The following MAN2C1 variants were observed in gnomAD, a reference collection of about 807,000 sequenced individuals.
MAN2C1 encodes mannosidase alpha class 2C member 1.
In MAN2C1, 111 loss-of-function variants were observed where a neutral mutation model predicts 126.9. The ratio of observed to expected loss-of-function variants is 0.87; its 90% CI spans 0.75 to 1.02. The LOEUF (loss-of-function observed/expected upper bound fraction) is 1.02. Among genes scored for constraint, MAN2C1 ranks in the 50% least tolerant of loss-of-function variants. The probability of loss-of-function intolerance (pLI) is 0.00; values close to 1 mark genes in which losing one functional copy is unlikely to be tolerated. For missense variants in MAN2C1, 1,363 were observed against 1,364.4 expected (o/e 1.00, Z 0.02); for synonymous variants, 567 against 561.5 (o/e 1.01, Z -0.14).
intron 21 of MAN2C1, chr15:75,357,366 C>T: frequency 6.6e-6 from 1 of 151,250 alleles, no homozygotes; most frequent in South Asian, 1.7e-4. Flanking sequence ...AGTGCAGTGG[C>T]ACAATCTCAG....
chr15:75,362,851 T>C lies in MAN2C1; in HGVS notation c.791-103A>G, dbSNP rs572240217. 1.0e-6 allele frequency: 1 copy of C among 953,030 alleles called. No individual in the cohort carries two copies. Among genetic ancestry groups the C allele is most frequent in the Admixed American group, 2.0e-5 (1 of 49,196 alleles). 59.0% of individuals were successfully genotyped at this position (953,030 alleles called of 1,614,324 possible). On this transcript the variant is annotated intron_variant, in intron 6 of 25. Coordinates refer to ENST00000267978, the MANE Select transcript of MAN2C1 (RefSeq NM_006715.4). This position sits in a 1 kb window ranked among gnomAD's most constrained non-coding sequence, Gnocchi z 4.5. ...TAGCCCCCCTCCCATCCCAGGCCCT[T>C]CACCCTGGAAAGCCCTGTGGTGTCC...
chr15:75,364,466 G>A (rs1306507757), intron 5 of MAN2C1, 22 bp downstream of exon 5: 1 of 1,553,452 alleles, frequency 6.4e-7, no homozygotes, highest in East Asian at 2.4e-5. Context: ...GGGTAGCAGG[G>A]GGTACAGGGG....
Position 75,360,910 on chromosome 15 carries a change from G to A in MAN2C1, c.1460+136C>T, listed in dbSNP as rs1003875067. The A allele has an allele frequency of 2.3e-6, 3 of 1,289,590 alleles. No homozygotes were observed. The African/African-American group carries it at 4.5e-5, about 19-fold the overall frequency. The allele number at this position is 1,289,590 out of a possible 1,614,324, so 79.9% of individuals were successfully genotyped here. On this transcript the variant is annotated intron_variant, in intron 12 of 25. Transcript: ENST00000267978. ...TCCCCCACCCACCCCCAGGGTGGAAGTTTGGAGGAACCCGTGGTCTAGGAT... is the reference window on the plus strand; with the variant it reads ...TCCCCCACCCACCCCCAGGGTGGAAATTTGGAGGAACCCGTGGTCTAGGAT...
Position 75,356,179 on chromosome 15 carries a change from A to G in MAN2C1, c.2927T>C (p.Leu976Pro). Residue 976 changes from leucine (L) to proline (P), a missense_variant, in exon 25 of 26, where the codon CTG becomes CCG. Leu to Pro is a moderately conservative substitution (Grantham distance 98). This residue lies in a region of MAN2C1 where 668 missense variants were observed against 650.1 expected (regional missense o/e 1.03). Transcript: ENST00000267978. This position sits in a 1 kb window ranked among gnomAD's most constrained non-coding sequence, Gnocchi z 5.8. ...SPQRRSLVLR[L>P]YEAHGSHVDC... ...CACGTGGCTGCCGTGGGCCTCATAC[A>G]GCCTCAGGACCAGCGAGCGGCGCTG... 2 of 1,613,620 alleles carry G rather than the reference A, an allele frequency of 1.2e-6. No individual in the cohort carries two copies. Among genetic ancestry groups the G allele is most frequent in the Non-Finnish European group, 1.7e-6 (2 of 1,179,986 alleles).
At chr15:75,367,835 C>T (rs771350510) in intron 2 of MAN2C1, 1 of 852,092 alleles carries the variant, frequency 1.2e-6, no homozygotes, top group Non-Finnish European at 1.8e-6. Context: ...GTTCGTGATC[C>T]CTAGGGTGCC....
chr15:75,358,909 G>T, intron 18 of MAN2C1, 101 bp from the exon 19 acceptor site: 1 of 1,372,446 alleles, frequency 7.3e-7, no homozygotes, highest in South Asian at 1.2e-5. Context: ...GTGGACAGGG[G>T]ACTACTGCCC....
chr15:75,356,592 T>TC lies in MAN2C1; in HGVS notation c.2737+13dup, dbSNP rs764286264. ...CTAGGGCTGCAGGAAGGCCCCACCG[T>TC]CCCCAGCACTCACCCTTGTGCGGCA... On this transcript the variant is annotated intron_variant, in intron 23 of 25. Transcript: ENST00000267978. This position sits in a 1 kb window ranked among gnomAD's most constrained non-coding sequence, Gnocchi z 5.8. 33 of 1,554,588 alleles carry TC rather than the reference T, an allele frequency of 2.1e-5. No individual in the cohort carries two copies. The African/African-American group carries it at 4.4e-4, about 21-fold the overall frequency.
rs751966005 is a variant in MAN2C1, at chr15:75,359,987, GC to G, written c.1707del (p.Arg569SerfsTer5). On this transcript the variant is annotated frameshift_variant and splice_region_variant, in exon 15 of 26. Coordinates refer to ENST00000267978, the MANE Select transcript of MAN2C1 (RefSeq NM_006715.4). LOFTEE classifies it high-confidence loss of function. Reference protein sequence around the residue: ...YPAAQLQHLWRLLLLNQFHDV... With the variant: ...YPAAQLQHLWXLLLLNQFHDV... Reference sequence around the variant, plus strand: ...TCATGGAACTGGTTCAGAAGAAGGAGCCTGCAGGGGCCAAGGGCAGGGATGG... The same window carrying G: ...TCATGGAACTGGTTCAGAAGAAGGAGCTGCAGGGGCCAAGGGCAGGGATGG... 6.2e-7 allele frequency: 1 copy of G among 1,614,102 alleles called. No individual in the cohort carries two copies. The highest frequency in any genetic ancestry group is 2.2e-5 in the East Asian group (1 of 44,890).
In MAN2C1 at chr15:75,362,712, C is replaced by T. The variant is rs1324182510; in HGVS notation, c.827G>A (p.Cys276Tyr). The T allele has an allele frequency of 6.2e-7, 1 of 1,614,150 alleles. No homozygotes were observed. The highest frequency in any genetic ancestry group is 1.1e-5 in the South Asian group (1 of 91,088). Residue 276 changes from cysteine (C) to tyrosine (Y), a missense_variant, in exon 7 of 26, where the codon TGT (cysteine) becomes TAT (tyrosine). Cys to Tyr is a radical substitution (Grantham distance 194). This residue lies in a region of MAN2C1 where 628 missense variants were observed against 609.8 expected (regional missense o/e 1.03). Coordinates refer to ENST00000267978, the MANE Select transcript of MAN2C1 (RefSeq NM_006715.4). The surrounding 1 kb of genome is among the most constrained non-coding windows in gnomAD (Gnocchi z 4.5). Reference protein sequence around the residue: ...LWPFKETVRKCARSWVTALQL... With the variant: ...LWPFKETVRKYARSWVTALQL... Reference sequence around the variant, plus strand: ...CAGGGCGGTCACCCAGCTCCGGGCACATTTCCTCACAGTCTCTTTGAAGGG... The same window carrying T: ...CAGGGCGGTCACCCAGCTCCGGGCATATTTCCTCACAGTCTCTTTGAAGGG...
Position 75,356,047 on chromosome 15 carries a change from G to C in MAN2C1, c.2997-15C>G, listed in dbSNP as rs1595872396. The C allele has an allele frequency of 1.9e-6, 3 of 1,613,854 alleles. No homozygotes were observed. Among genetic ancestry groups the C allele is most frequent in the Non-Finnish European group, 2.5e-6 (3 of 1,179,888 alleles). On this transcript the variant is annotated splice_polypyrimidine_tract_variant and intron_variant, in intron 25 of 25. Coordinates refer to ENST00000267978, the MANE Select transcript of MAN2C1 (RefSeq NM_006715.4). The surrounding 1 kb of genome is among the most constrained non-coding windows in gnomAD (Gnocchi z 5.8). ...AGAGATCGCAGCTGGAGAACAGGAGGGGCCATGAAGGCTCTGCGAGGGCGA... is the reference window on the plus strand; with the variant it reads ...AGAGATCGCAGCTGGAGAACAGGAGCGGCCATGAAGGCTCTGCGAGGGCGA...
At position 75,356,865 on chromosome 15, in the gene MAN2C1, C is replaced by T; in HGVS notation, c.2585G>A (p.Gly862Asp). 1 of 1,614,140 alleles carries T rather than the reference C, an allele frequency of 6.2e-7. No homozygotes were observed. Among genetic ancestry groups the T allele is most frequent in the East Asian group, 2.2e-5 (1 of 44,874 alleles). ...AHRWMDLSEH[G>D]FGLALLNDCK... Reference sequence around the variant, plus strand: ...GTCGTTGAGCAGGGCCAGCCCAAAGCCGTGTTCTGACAGATCCATCCAGCG... The same window carrying T: ...GTCGTTGAGCAGGGCCAGCCCAAAGTCGTGTTCTGACAGATCCATCCAGCG... Residue 862 changes from glycine to aspartate, a missense_variant, in exon 22 of 26, where the codon GGC becomes GAC. Gly to Asp is a moderately conservative substitution (Grantham distance 94). Around this residue, in one of 3 missense-constraint regions of MAN2C1, gnomAD observed 668 missense variants for 650.1 expected, o/e 1.03. Transcript: ENST00000267978. This position sits in a 1 kb window ranked among gnomAD's most constrained non-coding sequence, Gnocchi z 5.8.
rs142960931 is a variant in MAN2C1, at chr15:75,359,620, C to T, written c.1948G>A (p.Ala650Thr). The T allele has an allele frequency of 4.1e-5, 66 of 1,613,866 alleles. No individual in the cohort carries two copies. In the African/African-American group the frequency reaches 7.9e-4, roughly 19 times the overall value. ...LPKPGGAHSL[A>T]LVTVPSMGYA... ...AGCAACCCTTCCCCTCAGCTCGTAC[C>T]TAGGCTGTGGGCCCCGCCCGGTTTG... The change falls in exon 16 of 26, where the codon GCC becomes ACC. Residue 650 changes from alanine (A) to threonine (T), a missense_variant and splice_region_variant. Physicochemically the swap from Ala to Thr is moderately conservative, Grantham distance 58. Transcript: ENST00000267978.
chr15:75,368,252 G>C (rs1009045291), intron 1 of MAN2C1, 54 bp from the exon 2 acceptor site: 8 of 1,541,086 alleles, frequency 5.2e-6, no homozygotes, highest in Non-Finnish European at 7.0e-6. Flanking sequence ...TTTCCGCCTG[G>C]GGGCCAGCTG....
At chr15:75,364,227 A>G in intron 5 of MAN2C1, 39 bp from the exon 6 acceptor site, 2 of 1,569,832 alleles carry the variant, frequency 1.3e-6, no homozygotes, top group Non-Finnish European at 1.7e-6. Flanking sequence ...TTTTTCAAGC[A>G]CAGCTTCCAG....
chr15:75,366,867 G>A (rs1482753979), intron 3 of MAN2C1, among the ~76,000 whole-genome samples: 1 of 152,238 alleles, frequency 6.6e-6, no homozygotes, highest in Admixed American at 6.5e-5. Flanking sequence ...CAGCCTGAGT[G>A]TGGATTCTGG....
At position 75,356,602 on chromosome 15, in the gene MAN2C1, T is replaced by C; in HGVS notation, c.2737+4A>G. On this transcript the variant is annotated splice_donor_region_variant and intron_variant, in intron 23 of 25. Coordinates refer to ENST00000267978, the MANE Select transcript of MAN2C1 (RefSeq NM_006715.4). The surrounding 1 kb of genome is among the most constrained non-coding windows in gnomAD (Gnocchi z 5.8). The stretch of plus-strand genomic sequence containing the variant: ...AGGAAGGCCCCACCGTCCCCAGCAC[T>C]CACCCTTGTGCGGCATCAGTGCATA... 1 of 1,558,192 alleles carries C rather than the reference T, an allele frequency of 6.4e-7. No homozygotes were observed. The highest frequency in any genetic ancestry group is 2.4e-5 in the East Asian group (1 of 41,892).
rs368003922 is a variant in MAN2C1 at position 75,361,558 on chromosome 15, G to A, written c.1218+46C>T. The A allele has an allele frequency of 1.3e-4, 191 of 1,461,452 alleles. No individual in the cohort carries two copies. The highest frequency in any genetic ancestry group is 1.7e-4 in the Middle Eastern group (1 of 5,720). 90.5% of individuals were successfully genotyped at this position (1,461,452 alleles called of 1,614,324 possible). A position where few individuals can be genotyped will look rare whatever the true frequency, so the allele number is the denominator to read the frequency against. Reference sequence around the variant, plus strand: ...AGGGGGAGAGGCAAATGGGCCAGGCGGGACTGAGGCCCACTCTGACCCTGA... The same window carrying A: ...AGGGGGAGAGGCAAATGGGCCAGGCAGGACTGAGGCCCACTCTGACCCTGA... On this transcript the variant is annotated intron_variant, in intron 10 of 25. Transcript: ENST00000267978. The surrounding 1 kb of genome is among the most constrained non-coding windows in gnomAD (Gnocchi z 5.0).
At chr15:75,360,723 G>A (rs992146550) in intron 12 of MAN2C1, 35 bp from the exon 13 acceptor site, 3 of 1,608,620 alleles carry the variant, frequency 1.9e-6, no homozygotes, top group African/African-American at 1.3e-5. Context: ...TCCCAGCCTT[G>A]GAGACCACAT....
chr15:75,358,507 C>T lies in MAN2C1; in HGVS notation c.2358G>A (p.Glu786=), dbSNP rs1330944740. The T allele has an allele frequency of 6.2e-7, 1 of 1,613,536 alleles. No individual in the cohort carries two copies. The highest frequency in any genetic ancestry group is 8.5e-7 in the Non-Finnish European group (1 of 1,180,022). ...AGGGGCAGCCAACGTCCAGCACAAC[C>T]TCCTGGCTAAGCCGACTGTTGGGGC... ...QISPNSRLSQ[E]VVLDVGCPYV... is the part of the protein sequence containing the mutation. The change falls in exon 20 of 26, where the codon GAG becomes GAA. Residue 786 remains glutamate, a synonymous_variant. Coordinates refer to ENST00000267978, the MANE Select transcript of MAN2C1 (RefSeq NM_006715.4).
Sources: allele counts gnomAD v4.1 joint callset (sites outside exome capture counted in the v4.1 genomes callset), GRCh38; gene constraint gnomAD v4.1.1; regional missense constraint gnomAD v4.1.1; non-coding constraint Gnocchi (gnomAD v3.1); transcripts MANE v1.5; gene names NCBI Gene and HGNC (gene_info 2026-07-23, HGNC 2026-07-21).